The following LRRC37A2 variants were observed in gnomAD, a reference collection of about 807,000 sequenced individuals.
The protein encoded by LRRC37A2 is leucine-rich repeat-containing protein 37A2.
Under a neutral mutation model 68.8 loss-of-function variants are expected in LRRC37A2, and 9 were observed. That is an observed-to-expected ratio of 0.13 (90% confidence interval 0.08 to 0.23). The LOEUF is 0.23. LRRC37A2 is among the 10% of genes least tolerant of loss of function. LRRC37A2 has a pLI of 1.00. For missense variants in LRRC37A2, 168 were observed against 950.4 expected (o/e 0.18, Z 10.82); for synonymous variants, 63 against 367.6 (o/e 0.17, Z 9.48).
the LRRC37A2 span, among the ~76,000 whole-genome samples, chr17:46,792,184 G>C: frequency 6.6e-6 from 1 of 152,338 alleles, no homozygotes; most frequent in East Asian, 1.9e-4. Context: ...CCCAGTTAAG[G>C]TTCCCCCAGG....
chr17:46,713,277 G>A, the LRRC37A2 span: 4 of 152,488 alleles, frequency 2.6e-5, no homozygotes, highest in Admixed American at 6.5e-5. Flanking sequence ...TGAGAAGATG[G>A]AAAGGAAGAT....
chr17:46,545,794 C>CT (rs1179643938), intron 8 of LRRC37A2, among the ~76,000 whole-genome samples: 1 of 148,356 alleles, frequency 6.7e-6, no homozygotes, highest in Non-Finnish European at 1.5e-5. Flanking sequence ...CCAATGCAGT[C>CT]TTTGTTATTT....
the LRRC37A2 span, chr17:46,931,876 C>G: frequency 1.7e-5 from 11 of 631,834 alleles, no homozygotes; most frequent in African/African-American, 2.0e-4. Context: ...TACCATCTCA[C>G]TTTAACCACA....
the LRRC37A2 span, chr17:46,773,963 C>T: frequency 1.3e-6 from 2 of 1,589,670 alleles, no homozygotes; most frequent in Non-Finnish European, 1.7e-6. Context: ...AGAGCCCATC[C>T]TGGGCACCAT....
chr17:46,930,557 G>A, the LRRC37A2 span: 3 of 154,314 alleles, frequency 1.9e-5, no homozygotes, highest in Admixed American at 1.9e-4. Context: ...ACATTGCTCA[G>A]CCCACCCATT....
chr17:46,778,154 C>A, the LRRC37A2 span, among the ~76,000 whole-genome samples: 5 of 152,328 alleles, frequency 3.3e-5, no homozygotes, highest in African/African-American at 1.2e-4. Context: ...ACTTTGTTCC[C>A]TGCCTTGTCA....
the LRRC37A2 span, among the ~76,000 whole-genome samples, chr17:46,975,817 C>T: frequency 6.6e-6 from 1 of 152,170 alleles, no homozygotes. Context: ...CCCACTAAGG[C>T]TTTCCTTTTC....
the LRRC37A2 span, among the ~76,000 whole-genome samples, chr17:47,045,605 A>G: frequency 3.4e-5 from 5 of 146,108 alleles, no homozygotes; most frequent in African/African-American, 1.2e-4. Flanking sequence ...AGTTACAGGG[A>G]TTGTTTTTAT....
the LRRC37A2 span, among the ~76,000 whole-genome samples, chr17:46,826,108 A>G: frequency 6.6e-6 from 1 of 152,358 alleles, no homozygotes. Flanking sequence ...TTGTGGGGGC[A>G]CATTAGGGAG....
chr17:46,748,726 C>G, the LRRC37A2 span, among the ~76,000 whole-genome samples: 334 of 152,298 alleles, frequency 2.2e-3, 1 homozygote, highest in African/African-American at 7.6e-3. Context: ...AAGAACACAA[C>G]TTTAAACTAT....
At chr17:46,801,249 G>A in the LRRC37A2 span, among the ~76,000 whole-genome samples, 2 of 152,202 alleles carry the variant, frequency 1.3e-5, no homozygotes, top group Non-Finnish European at 2.9e-5. Context: ...GGTGCAGGGC[G>A]GCAGGGGCCA....
At chr17:46,781,290 A>G in the LRRC37A2 span, among the ~76,000 whole-genome samples, 1 of 152,168 alleles carries the variant, frequency 6.6e-6, no homozygotes, top group Non-Finnish European at 1.5e-5. Context: ...AACGTAGAGG[A>G]AACTTGAAAA....
At chr17:46,809,438 GGGT>G in the LRRC37A2 span, among the ~76,000 whole-genome samples, 2 of 152,182 alleles carry the variant, frequency 1.3e-5, no homozygotes, top group Non-Finnish European at 2.9e-5. Context: ...AGACAGACCT[GGGT>G]GCTTGGTCCT....
the LRRC37A2 span, among the ~76,000 whole-genome samples, chr17:46,724,098 CTG>C: frequency 6.6e-6 from 1 of 152,182 alleles, no homozygotes; most frequent in Non-Finnish European, 1.5e-5. Flanking sequence ...GTTCACATCT[CTG>C]TGTCTCCTAA....
chr17:46,534,973 C>T (rs9889328), intron 6 of LRRC37A2, among the ~76,000 whole-genome samples: 72,810 of 143,098 alleles, frequency 0.51, 19,835 homozygotes, highest in South Asian at 0.71. Flanking sequence ...TCAGACGGGG[C>T]GGCCAGGCAG....
the LRRC37A2 span, chr17:46,940,783 A>G: frequency 6.6e-7 from 1 of 1,510,808 alleles, no homozygotes. Flanking sequence ...TGGAATAAAA[A>G]TTGCAGAGGT....
At chr17:46,812,207 C>T in the LRRC37A2 span, among the ~76,000 whole-genome samples, 1 of 152,168 alleles carries the variant, frequency 6.6e-6, no homozygotes, top group Non-Finnish European at 1.5e-5. Context: ...AGGGAATTCC[C>T]TCTCTGGCAG....
the LRRC37A2 span, among the ~76,000 whole-genome samples, chr17:46,983,331 A>G: frequency 3.7e-5 from 4 of 107,874 alleles, no homozygotes; most frequent in African/African-American, 1.5e-4. Flanking sequence ...GAGTCTCGCT[A>G]TGTCACCCAG....
At chr17:46,958,773 T>G in the LRRC37A2 span, among the ~76,000 whole-genome samples, 173 of 152,348 alleles carry the variant, frequency 1.1e-3, 1 homozygote, top group East Asian at 0.023. Context: ...CATTTAAGTC[T>G]GCCTGAAAAC....
Sources: allele counts gnomAD v4.1 joint callset (sites outside exome capture counted in the v4.1 genomes callset), GRCh38; gene constraint gnomAD v4.1.1; transcripts MANE v1.5; gene names NCBI Gene and HGNC (gene_info 2026-07-23, HGNC 2026-07-21).